The following GRXCR1 variants were observed in gnomAD, a reference collection of about 807,000 sequenced individuals.
The protein encoded by GRXCR1 is glutaredoxin and cysteine rich domain containing 1.
GRXCR1 carries 27 observed loss-of-function variants against 27.3 expected under a neutral mutation model. The ratio of observed to expected loss-of-function variants is 0.99; its 90% CI spans 0.73 to 1.37. The LOEUF is 1.37. GRXCR1 is among the 40% of genes most tolerant of loss of function. The probability of loss-of-function intolerance (pLI) is 0.00; values close to 1 mark genes in which losing one functional copy is unlikely to be tolerated. For synonymous variants in GRXCR1, 122 were observed against 131.1 expected (o/e 0.93, Z 0.47); for missense variants, 379 against 354.4 (o/e 1.07, Z -0.56).
intron 2 of GRXCR1, among the ~76,000 whole-genome samples, chr4:42,987,100 G>A (rs918553200): frequency 1.3e-5 from 2 of 149,610 alleles, no homozygotes; most frequent in African/African-American, 4.9e-5. Context: ...GTTGTGCTAA[G>A]TGCTAAGTTA....
At chr4:42,987,195 A>T (rs1711754865) in intron 2 of GRXCR1, among the ~76,000 whole-genome samples, 1 of 118,760 alleles carries the variant, frequency 8.4e-6, no homozygotes, top group Admixed American at 1.1e-4. Context: ...ATGATTTCAT[A>T]GTTTTCATAT....
chr4:42,987,222 T>TATTATATATTATATATATA lies in GRXCR1; in HGVS notation c.627+24088_627+24089insATTATATATTATATATATA, dbSNP rs369022273. Among the ~76,000 whole-genome samples the TATTATATATTATATATATA allele has an allele frequency of 1.4e-4, 14 of 100,594 alleles. No individual in the cohort carries two copies. The East Asian group carries it at 2.2e-3, about 16-fold the overall frequency. The allele number at this position is 100,594 out of a possible 152,430, so 66.0% of individuals were successfully genotyped here. On this transcript the variant is annotated intron_variant, in intron 2 of 3. Transcript: ENST00000399770. Reference sequence around the variant, plus strand: ...TTTTCATATATATATTATATATATATTATATATTATATATATATAATATAT... The same window carrying TATTATATATTATATATATA: ...TTTTCATATATATATTATATATATATATTATATATTATATATATATATATATTATATATATATAATATAT...
rs566525510 is a variant in GRXCR1 at position 42,907,579 on chromosome 4, A to T, written c.384+13929A>T. On this transcript the variant is annotated intron_variant, in intron 1 of 3. Transcript: ENST00000399770. ...CAGGAAGTAGCTGCTGTACTTGCTG[A>T]CTCACTGCTAGACCCATGAATACCA... 2.0e-5 allele frequency among the ~76,000 whole-genome samples: 3 copies of T among 152,032 alleles called. No homozygotes were observed. In the East Asian group the frequency reaches 5.8e-4, roughly 29 times the overall value.
chr4:42,902,163 A>G (rs1171367443), intron 1 of GRXCR1, among the ~76,000 whole-genome samples: 1 of 152,152 alleles, frequency 6.6e-6, no homozygotes, highest in Non-Finnish European at 1.5e-5. Flanking sequence ...AATTGTCAGT[A>G]TAGAATAACA....
At position 42,918,650 on chromosome 4, in the gene GRXCR1, G is replaced by C. The variant is rs541966798; in HGVS notation, c.384+25000G>C. Among the ~76,000 whole-genome samples the C allele has an allele frequency of 2.6e-5, 4 of 152,156 alleles. No homozygotes were observed. In the South Asian group the frequency reaches 8.3e-4, roughly 32 times the overall value. On this transcript the variant is annotated intron_variant, in intron 1 of 3. Transcript: ENST00000399770. ...CATTAATTTTGTAACAAATTCCTGT[G>C]TTTTGACCATCTCTCTTTTGACACA... is the stretch of plus-strand genomic sequence containing the variant.
At chr4:42,934,704 C>T (rs1271193248) in intron 1 of GRXCR1, among the ~76,000 whole-genome samples, 1 of 151,884 alleles carries the variant, frequency 6.6e-6, no homozygotes, top group Non-Finnish European at 1.5e-5. Flanking sequence ...TTGTATTAAA[C>T]CTGCTCTGTG....
At chr4:43,002,142 A>G (rs1467253939) in intron 2 of GRXCR1, among the ~76,000 whole-genome samples, 1 of 152,274 alleles carries the variant, frequency 6.6e-6, no homozygotes, top group African/African-American at 2.4e-5. Flanking sequence ...GGCAGGAGAC[A>G]GTGGCCTTCC....
intron 1 of GRXCR1, among the ~76,000 whole-genome samples, chr4:42,924,860 A>T (rs1747118256): frequency 6.6e-6 from 1 of 152,074 alleles, no homozygotes; most frequent in African/African-American, 2.4e-5. Flanking sequence ...AAGGTGCCAT[A>T]TTACATCTGG....
intron 2 of GRXCR1, among the ~76,000 whole-genome samples, chr4:42,967,000 C>T (rs1366947760): frequency 1.3e-5 from 2 of 151,786 alleles, no homozygotes; most frequent in Admixed American, 6.6e-5. Context: ...CTTGTCTTTT[C>T]GTTCTCTTGA....
intron 2 of GRXCR1, among the ~76,000 whole-genome samples, chr4:42,999,992 TCA>T (rs1187213147): frequency 6.6e-6 from 1 of 152,202 alleles, no homozygotes; most frequent in Non-Finnish European, 1.5e-5. Context: ...TTTCAGTTAC[TCA>T]CAGTCAACTG....
At chr4:42,965,825 C>T (rs1017611735) in intron 2 of GRXCR1, among the ~76,000 whole-genome samples, 9 of 151,914 alleles carry the variant, frequency 5.9e-5, no homozygotes, top group East Asian at 1.9e-4. Flanking sequence ...GGAGATGGGA[C>T]GGAGAACAAG....
chr4:42,921,888 T>C (rs987900353), intron 1 of GRXCR1, among the ~76,000 whole-genome samples: 2 of 152,066 alleles, frequency 1.3e-5, no homozygotes, highest in African/African-American at 4.8e-5. Flanking sequence ...CTTTTCCTCA[T>C]CCTCCTCCCC....
At chr4:42,994,094 T>A (rs978918211) in intron 2 of GRXCR1, among the ~76,000 whole-genome samples, 1 of 152,138 alleles carries the variant, frequency 6.6e-6, no homozygotes, top group Non-Finnish European at 1.5e-5. Flanking sequence ...AGAAATTTAT[T>A]GGCCAAAGAT....
chr4:42,900,987 G>T (rs1393531268), intron 1 of GRXCR1, among the ~76,000 whole-genome samples: 1 of 152,178 alleles, frequency 6.6e-6, no homozygotes, highest in Non-Finnish European at 1.5e-5. Flanking sequence ...GCTGTCAAAT[G>T]CACAATGCTT....
intron 2 of GRXCR1, among the ~76,000 whole-genome samples, chr4:42,976,261 C>T (rs1267767744): frequency 2.6e-5 from 4 of 152,004 alleles, no homozygotes; most frequent in African/African-American, 4.8e-5. Flanking sequence ...TTAGAACATG[C>T]AATCTGGTAA....
chr4:43,006,235 G>A (rs768444959), intron 2 of GRXCR1, among the ~76,000 whole-genome samples: 3 of 152,108 alleles, frequency 2.0e-5, no homozygotes, highest in Non-Finnish European at 4.4e-5. Flanking sequence ...TGTACAGCAC[G>A]TGTGTTTGAG....
chr4:42,932,615 TATATAGAGAGAGAGAG>T (rs1217247636), intron 1 of GRXCR1, among the ~76,000 whole-genome samples: 24 of 33,920 alleles, frequency 7.1e-4, no homozygotes, highest in Admixed American at 1.3e-3. Flanking sequence ...TATATATATA[TATATAGAGAGAGAGAG>T]AGAGAGAGAG....
chr4:42,896,633 G>A (rs963183577), intron 1 of GRXCR1, among the ~76,000 whole-genome samples: 2 of 152,120 alleles, frequency 1.3e-5, no homozygotes, highest in African/African-American at 4.8e-5. Context: ...AGCCATGACT[G>A]TGGCCTGGAA....
At chr4:42,937,755 G>A (rs1747493356) in intron 1 of GRXCR1, among the ~76,000 whole-genome samples, 1 of 151,792 alleles carries the variant, frequency 6.6e-6, no homozygotes, top group Admixed American at 6.6e-5. Flanking sequence ...TACATGTATA[G>A]CAATTGTAAC....
Sources: gnomAD v4.1 joint callset for allele counts (sites outside exome capture counted in the v4.1 genomes callset) on GRCh38, gnomAD v4.1.1 for gene constraint, MANE v1.5 for transcripts, NCBI Gene and HGNC (gene_info 2026-07-23, HGNC 2026-07-21) for gene names.